The following SLC35F3 variants were observed in gnomAD, a reference collection of about 807,000 sequenced individuals.
SLC35F3 encodes putative thiamine transporter SLC35F3.
In SLC35F3, 25 loss-of-function variants were observed where a neutral mutation model predicts 49.9. The observed-to-expected ratio is 0.50, with a 90% CI of 0.37 to 0.70. The LOEUF is 0.70. SLC35F3 is among the 30% of genes least tolerant of loss of function. SLC35F3 has a pLI of 0.00. For synonymous variants in SLC35F3, 275 were observed against 265.4 expected (o/e 1.04, Z -0.35); for missense variants, 525 against 639.8 (o/e 0.82, Z 1.94).
In SLC35F3 at chr1:233,951,365, A is replaced by G. The variant is rs559271713; in HGVS notation, c.283+45607A>G. 3.3e-5 allele frequency among the ~76,000 whole-genome samples: 5 copies of G among 151,914 alleles called. No individual in the cohort carries two copies. The East Asian group carries it at 7.7e-4, about 24-fold the overall frequency. ...ATGTTCTAGGCCTTCACGTTCACCC[A>G]CCACCCACTCACTGACTCACCCAGA... On this transcript the variant is annotated intron_variant, in intron 2 of 7. Coordinates refer to ENST00000366618, the MANE Select transcript of SLC35F3 (RefSeq NM_173508.4).
At chr1:234,093,774 G>A (rs1301819927) in intron 2 of SLC35F3, among the ~76,000 whole-genome samples, 1 of 152,240 alleles carries the variant, frequency 6.6e-6, no homozygotes, top group Non-Finnish European at 1.5e-5. Flanking sequence ...GAAAGGAAAT[G>A]CCAGCCTCCT....
intron 2 of SLC35F3, among the ~76,000 whole-genome samples, chr1:234,179,108 C>T (rs1666519741): frequency 6.6e-6 from 1 of 152,164 alleles, no homozygotes; most frequent in Admixed American, 6.5e-5. Flanking sequence ...ACTGAGCCTC[C>T]TTCACGACTC....
intron 2 of SLC35F3, among the ~76,000 whole-genome samples, chr1:234,223,934 A>T (rs536488083): frequency 6.6e-6 from 1 of 152,236 alleles, no homozygotes; most frequent in East Asian, 1.9e-4. Context: ...CCTTCTCTTG[A>T]TGTGTGTATG....
chr1:234,119,008 G>T (rs1473988393), intron 2 of SLC35F3, among the ~76,000 whole-genome samples: 1 of 151,864 alleles, frequency 6.6e-6, no homozygotes, highest in Non-Finnish European at 1.5e-5. Flanking sequence ...TGCTGCAGAG[G>T]ACAGATCAAG....
intron 3 of SLC35F3, among the ~76,000 whole-genome samples, chr1:234,285,953 C>G (rs142497266): frequency 2.0e-5 from 3 of 152,190 alleles, no homozygotes; most frequent in Non-Finnish European, 4.4e-5. Flanking sequence ...GGAAATTTCT[C>G]GGGACTTATA....
chr1:233,994,601 G>A (rs1389228534), intron 2 of SLC35F3, among the ~76,000 whole-genome samples: 1 of 152,126 alleles, frequency 6.6e-6, no homozygotes, highest in Non-Finnish European at 1.5e-5. Flanking sequence ...CAGCCCAAGG[G>A]AGTTAATGAG....
intron 2 of SLC35F3, among the ~76,000 whole-genome samples, chr1:234,061,485 G>A (rs1033760286): frequency 6.9e-6 from 1 of 144,276 alleles, no homozygotes; most frequent in African/African-American, 2.6e-5. Context: ...TGCATGTGTA[G>A]ATCACTGTTT....
chr1:234,285,520 G>C (rs534445237), intron 3 of SLC35F3: 66 of 358,530 alleles, frequency 1.8e-4, no homozygotes, highest in Non-Finnish European at 3.3e-4. Context: ...TCTGTAACAG[G>C]AACAGTTCAG....
intron 2 of SLC35F3, among the ~76,000 whole-genome samples, chr1:234,100,608 G>A (rs1004443952): frequency 1.3e-4 from 20 of 152,148 alleles, no homozygotes; most frequent in Non-Finnish European, 2.9e-4. Context: ...AATGGTCCTG[G>A]AACAACTTGG....
At chr1:234,149,482 T>C (rs1317228852) in intron 2 of SLC35F3, among the ~76,000 whole-genome samples, 2 of 152,190 alleles carry the variant, frequency 1.3e-5, no homozygotes, top group East Asian at 3.9e-4. Context: ...ACTGTAACTA[T>C]GACATTTACA....
Position 234,046,945 on chromosome 1 carries a change from A to T in SLC35F3, c.283+141187A>T, listed in dbSNP as rs1664299608. ...AATTAAGTGCCACACAACCTTAGTT[A>T]CTCTAGCTGTACTATAAGTCTCACT... On this transcript the variant is annotated intron_variant, in intron 2 of 7. Coordinates refer to ENST00000366618, the MANE Select transcript of SLC35F3 (RefSeq NM_173508.4). The surrounding 1 kb of genome is among the most constrained non-coding windows in gnomAD (Gnocchi z 4.4). Among the ~76,000 whole-genome samples, 1 of 152,150 alleles carries T rather than the reference A, an allele frequency of 6.6e-6. No individual in the cohort carries two copies. The highest frequency in any genetic ancestry group is 6.5e-5 in the Admixed American group (1 of 15,278).
At chr1:233,955,409 G>T (rs915616861) in intron 2 of SLC35F3, among the ~76,000 whole-genome samples, 1 of 152,110 alleles carries the variant, frequency 6.6e-6, no homozygotes, top group African/African-American at 2.4e-5. Flanking sequence ...GTCCCCACCA[G>T]CTCTCTGCTC....
At chr1:234,300,788 T>A (rs1249418334) in intron 3 of SLC35F3, among the ~76,000 whole-genome samples, 1 of 152,078 alleles carries the variant, frequency 6.6e-6, no homozygotes, top group African/African-American at 2.4e-5. Context: ...CTGAGTGTAG[T>A]GTGGAAAATG....
rs553309288 is a variant in SLC35F3 at position 234,310,734 on chromosome 1, A to G, written c.828+1414A>G. 9.2e-5 allele frequency among the ~76,000 whole-genome samples: 14 copies of G among 152,330 alleles called. 1 individual carries two copies. In the South Asian group the frequency reaches 2.7e-3, roughly 29 times the overall value. ...ACTCAGATGTCCCTAGAAAATTCCAAATGAGACCCTGTTCCTGGGAAGAGA... is the reference window on the plus strand; with the variant it reads ...ACTCAGATGTCCCTAGAAAATTCCAGATGAGACCCTGTTCCTGGGAAGAGA... On this transcript the variant is annotated intron_variant, in intron 4 of 7. Coordinates refer to ENST00000366618, the MANE Select transcript of SLC35F3 (RefSeq NM_173508.4).
chr1:234,312,214 A>G (rs1456929239), intron 4 of SLC35F3, among the ~76,000 whole-genome samples: 1 of 152,050 alleles, frequency 6.6e-6, no homozygotes, highest in Admixed American at 6.5e-5. Context: ...CCTCCATGTC[A>G]AGGGAAATGG....
At chr1:234,155,782 C>CA (rs59089092) in intron 2 of SLC35F3, among the ~76,000 whole-genome samples, 1,843 of 142,662 alleles carry the variant, frequency 0.013, 25 homozygotes, top group Non-Finnish European at 0.019. Flanking sequence ...CACAATATAC[C>CA]AAAAAAAAAA....
intron 2 of SLC35F3, among the ~76,000 whole-genome samples, chr1:233,985,139 G>T (rs758785654): frequency 1.3e-5 from 2 of 152,162 alleles, no homozygotes; most frequent in Non-Finnish European, 2.9e-5. Context: ...AGGACAGAAA[G>T]AATTCACTGT....
intron 2 of SLC35F3, among the ~76,000 whole-genome samples, chr1:234,043,666 GA>G (rs1664253889): frequency 6.6e-6 from 1 of 152,138 alleles, no homozygotes; most frequent in African/African-American, 2.4e-5. Flanking sequence ...CAGAATCTCT[GA>G]AAAGGTCTCC....
intron 2 of SLC35F3, among the ~76,000 whole-genome samples, chr1:234,105,618 T>C (rs930146106): frequency 2.0e-5 from 3 of 152,174 alleles, no homozygotes; most frequent in Admixed American, 2.0e-4. Context: ...ACTCAGAGAC[T>C]CTTGGACTTT....
Sources: allele counts gnomAD v4.1 joint callset (sites outside exome capture counted in the v4.1 genomes callset), GRCh38; gene constraint gnomAD v4.1.1; non-coding constraint Gnocchi (gnomAD v3.1); transcripts MANE v1.5; gene names NCBI Gene and HGNC (gene_info 2026-07-23, HGNC 2026-07-21).